CALN1: variants seen among roughly 807,000 people sequenced by gnomAD.
CALN1 encodes the protein calcium-binding protein 8.
CALN1 carries 17 observed loss-of-function variants against 30.6 expected under a neutral mutation model. The ratio of observed to expected loss-of-function variants is 0.56; its 90% CI spans 0.38 to 0.83. The LOEUF is 0.83. CALN1 is among the 40% of genes least tolerant of loss of function. The pLI is 0.00. For missense variants in CALN1, 291 were observed against 354.9 expected (o/e 0.82, Z 1.45); for synonymous variants, 156 against 131.4 (o/e 1.19, Z -1.28).
chr7:72,361,716 G>A (rs1803580753), intron 2 of CALN1, among the ~76,000 whole-genome samples: 4 of 152,134 alleles, frequency 2.6e-5, no homozygotes, highest in Admixed American at 2.0e-4. Context: ...GGGAGAACAA[G>A]GAGAAAGAAG....
chr7:72,155,957 C>T (rs889615312), intron 3 of CALN1, among the ~76,000 whole-genome samples: 1 of 152,144 alleles, frequency 6.6e-6, no homozygotes, highest in African/African-American at 2.4e-5. Context: ...CTGCCTCACT[C>T]TTATAAGGAC....
At position 72,180,170 on chromosome 7, in the gene CALN1, G is replaced by A. The variant is rs561701886; in HGVS notation, c.245-73876C>T. The stretch of plus-strand genomic sequence containing the variant: ...GGGGTATCATTTAGTTTGTTCCTCT[G>A]TCCCTCATATTTCCTGCAAATGGAA... On this transcript the variant is annotated intron_variant, in intron 3 of 6. Coordinates refer to ENST00000395275, the MANE Select transcript of CALN1 (RefSeq NM_031468.4). 2.4e-4 allele frequency among the ~76,000 whole-genome samples: 37 copies of A among 152,230 alleles called. No homozygotes were observed. The South Asian group carries it at 7.7e-3, about 32-fold the overall frequency.
chr7:71,981,192 T>G (rs1194228137), intron 5 of CALN1, among the ~76,000 whole-genome samples: 1 of 152,198 alleles, frequency 6.6e-6, no homozygotes, highest in Non-Finnish European at 1.5e-5. Flanking sequence ...TTTAGTGTGT[T>G]AGATCTTAGG....
chr7:72,051,437 A>T (rs1297939727), intron 4 of CALN1, among the ~76,000 whole-genome samples: 1 of 152,196 alleles, frequency 6.6e-6, no homozygotes, highest in African/African-American at 2.4e-5. Context: ...ACAAAATCAG[A>T]TTTCTAAAAC....
At chr7:71,955,307 G>A (rs1046313782) in intron 5 of CALN1, among the ~76,000 whole-genome samples, 1 of 152,144 alleles carries the variant, frequency 6.6e-6, no homozygotes, top group Non-Finnish European at 1.5e-5. Context: ...CACCACACAT[G>A]GCAATTATGG....
At chr7:71,878,310 G>GA (rs1344594087) in intron 5 of CALN1, among the ~76,000 whole-genome samples, 1 of 152,012 alleles carries the variant, frequency 6.6e-6, no homozygotes, top group Non-Finnish European at 1.5e-5. Context: ...GTGGAGGCAG[G>GA]AGAATTGCCT....
At chr7:72,324,339 G>T (rs1562887222) in intron 2 of CALN1, among the ~76,000 whole-genome samples, 1 of 152,046 alleles carries the variant, frequency 6.6e-6, no homozygotes, top group Non-Finnish European at 1.5e-5. Context: ...TCCTGAAAAA[G>T]CATCACTGAT....
chr7:72,156,755 C>T (rs1787710774), intron 3 of CALN1, among the ~76,000 whole-genome samples: 2 of 152,220 alleles, frequency 1.3e-5, no homozygotes, highest in Admixed American at 6.5e-5. Context: ...ATGCACCTCC[C>T]GTGGTGGGAG....
intron 5 of CALN1, chr7:71,913,853 A>C (rs997659442): frequency 1.3e-5 from 2 of 152,256 alleles, no homozygotes; most frequent in Non-Finnish European, 2.9e-5. Context: ...GTACATCTGC[A>C]GATGCTACAA....
intron 2 of CALN1, among the ~76,000 whole-genome samples, chr7:72,376,290 CTA>C (rs1244622670): frequency 2.0e-4 from 30 of 152,298 alleles, no homozygotes; most frequent in African/African-American, 7.0e-4. Flanking sequence ...TATGGTAACT[CTA>C]TGTTTACCCT....
At chr7:72,057,995 C>A (rs1056698305) in intron 4 of CALN1, among the ~76,000 whole-genome samples, 1 of 152,120 alleles carries the variant, frequency 6.6e-6, no homozygotes, top group Non-Finnish European at 1.5e-5. Context: ...CTAAGTCGTG[C>A]AGAAGTTAAA....
intron 2 of CALN1, among the ~76,000 whole-genome samples, chr7:72,284,933 CT>C (rs199792276): frequency 2.0e-5 from 3 of 152,006 alleles, no homozygotes; most frequent in East Asian, 1.9e-4. Flanking sequence ...ATGCACCTTC[CT>C]TTTTTTTCCT....
intron 2 of CALN1, among the ~76,000 whole-genome samples, chr7:72,298,719 G>A (rs1015592041): frequency 3.9e-5 from 6 of 151,906 alleles, no homozygotes; most frequent in African/African-American, 9.7e-5. Context: ...GAGGGGCCTG[G>A]TGGGAGGTGA....
chr7:71,870,191 T>C (rs1791839698), intron 5 of CALN1, among the ~76,000 whole-genome samples: 1 of 152,200 alleles, frequency 6.6e-6, no homozygotes, highest in African/African-American at 2.4e-5. Context: ...GAGACCAACC[T>C]GGCCAACACG....
intron 1 of CALN1, among the ~76,000 whole-genome samples, 200 bp from the exon 2 acceptor site, chr7:72,403,642 T>C (rs1228029322): frequency 6.6e-6 from 1 of 152,188 alleles, no homozygotes; most frequent in East Asian, 1.9e-4. Context: ...CACCAGAGGG[T>C]ATTGCACAAC....
intron 2 of CALN1, among the ~76,000 whole-genome samples, chr7:72,372,836 C>G (rs755136409): frequency 6.6e-6 from 1 of 152,110 alleles, no homozygotes; most frequent in Non-Finnish European, 1.5e-5. Context: ...CTCAAAATGT[C>G]AAGGATACAA....
rs140254609 is a variant in CALN1, at chr7:72,024,428, T to C, written c.389-659A>G. 1.7e-4 allele frequency among the ~76,000 whole-genome samples: 26 copies of C among 152,312 alleles called. 2 individuals carry two copies. In the East Asian group the frequency reaches 5.0e-3, roughly 29 times the overall value. On this transcript the variant is annotated intron_variant, in intron 4 of 6. Transcript: ENST00000395275. ...TTTTTGTTGTTTTTGAGATGGTGTC[T>C]TGCTCTGTTGCCCAGGCTGGAGTGC...
chr7:71,948,730 C>CA (rs538358463), intron 5 of CALN1, among the ~76,000 whole-genome samples: 3,125 of 73,652 alleles, frequency 0.042, 76 homozygotes, highest in Middle Eastern at 0.16. Flanking sequence ...GACTCTGTCT[C>CA]AAAAAAAAAA....
intron 2 of CALN1, among the ~76,000 whole-genome samples, chr7:72,319,692 C>T (rs982155986): frequency 1.3e-5 from 2 of 152,130 alleles, no homozygotes; most frequent in Non-Finnish European, 2.9e-5. Context: ...ACTATGTTAA[C>T]AAATACATAT....
Sources: allele counts gnomAD v4.1 joint callset (sites outside exome capture counted in the v4.1 genomes callset), GRCh38; gene constraint gnomAD v4.1.1; transcripts MANE v1.5; gene names NCBI Gene and HGNC (gene_info 2026-07-23, HGNC 2026-07-21).